The following PUS7L variants were observed in gnomAD, a reference collection of about 807,000 sequenced individuals.
PUS7L encodes pseudouridylate synthase PUS7L.
In PUS7L, 49 loss-of-function variants were observed where a neutral mutation model predicts 51.1. The observed-to-expected ratio is 0.96, with a 90% CI of 0.76 to 1.22. PUS7L has a LOEUF of 1.22. Ranked by LOEUF, PUS7L falls within the 50% of genes most tolerant of loss-of-function variation. PUS7L has a pLI of 0.00. For missense variants in PUS7L, 828 were observed against 820.6 expected, an observed-to-expected ratio of 1.01 and a Z score of -0.11; for synonymous variants, 277 against 276.2, an observed-to-expected ratio of 1.00 and a Z score of -0.03.
intron 4 of PUS7L, among the ~76,000 whole-genome samples, chr12:43,745,522 T>C (rs1938120826): frequency 6.6e-6 from 1 of 152,202 alleles, no homozygotes; most frequent in African/African-American, 2.4e-5. Context: ...AAGAAGGATA[T>C]GTTTGTTTCC....
intron 8 of PUS7L, among the ~76,000 whole-genome samples, 166 bp downstream of exon 8, chr12:43,731,539 C>G (rs969722123): frequency 1.3e-5 from 2 of 152,024 alleles, no homozygotes; most frequent in African/African-American, 4.8e-5. Context: ...ATATGTTTAT[C>G]AAAGTCTATA....
intron 1 of PUS7L, among the ~76,000 whole-genome samples, chr12:43,755,919 G>T (rs747803579): frequency 6.6e-6 from 1 of 152,192 alleles, no homozygotes; most frequent in Non-Finnish European, 1.5e-5. Context: ...AACCCTTACA[G>T]AGCTTCCTGG....
Position 43,742,569 on chromosome 12 carries a change from A to C in PUS7L, c.1264-14T>G, listed in dbSNP as rs1565636391. ...AAAGCCTTTTTTCTATGTATACAAA[A>C]TAATCAACAAATTAAGAGTATATAA... On this transcript the variant is annotated splice_polypyrimidine_tract_variant and intron_variant, in intron 4 of 8. Coordinates refer to ENST00000344862, the MANE Select transcript of PUS7L (RefSeq NM_031292.5). The C allele has an allele frequency of 1.3e-6, 2 of 1,564,734 alleles. No individual in the cohort carries two copies. The highest frequency in any genetic ancestry group is 2.8e-5 in the African/African-American group (2 of 72,386).
Position 43,754,358 on chromosome 12 carries a change from T to C in PUS7L, c.888A>G (p.Gln296=), listed in dbSNP as rs1565645838. Residue 296 remains glutamine (Q), a synonymous_variant, in exon 2 of 9, where the codon CAA becomes CAG. Coordinates refer to ENST00000344862, the MANE Select transcript of PUS7L (RefSeq NM_031292.5). ...TACCTGTATATATAACTTTTCCTTC[T>C]TGGCATTCAGAAAGAGGCCTTTTCC... ...KRGKRPLSEC[Q]EGKVIYTAFT... is the part of the protein sequence containing the mutation. 6.3e-7 allele frequency: 1 copy of C among 1,597,008 alleles called. No individual in the cohort carries two copies. Among genetic ancestry groups the C allele is most frequent in the East Asian group, 2.2e-5 (1 of 44,744 alleles).
chr12:43,720,253 G>A lies in PUS7L; in HGVS notation c.*10123C>T, dbSNP rs775230320. On this transcript the variant is annotated 3_prime_UTR_variant, in exon 9 of 9. Transcript: ENST00000344862. ...AATCCCAGCATTTTGGGAGGCTGAG[G>A]CTGGCAGATCATTTGAGGTCAGGAG... 14 of 152,164 alleles carry A rather than the reference G, an allele frequency of 9.2e-5. No individual in the cohort carries two copies. Among genetic ancestry groups the A allele is most frequent in the Non-Finnish European group, 2.1e-4 (14 of 68,034 alleles). 9.4% of individuals were successfully genotyped at this position (152,164 alleles called of 1,614,324 possible). A position where few individuals can be genotyped will look rare whatever the true frequency, so the allele number is the denominator to read the frequency against.
chr12:43,734,197 A>T (rs568611344), intron 7 of PUS7L, among the ~76,000 whole-genome samples: 1 of 152,244 alleles, frequency 6.6e-6, no homozygotes, highest in Admixed American at 6.5e-5. Context: ...AGCCACTGAG[A>T]CTCAATTACA....
rs1303246943 is a variant in PUS7L at position 43,719,825 on chromosome 12, G to C, written c.*10551C>G. On this transcript the variant is annotated 3_prime_UTR_variant, in exon 9 of 9. Coordinates refer to ENST00000344862, the MANE Select transcript of PUS7L (RefSeq NM_031292.5). ...GATTTCCTTTCCAATTATGATATTG[G>C]TTAGTTGTAACTGCATTATTTCCAT... The C allele has an allele frequency of 6.6e-6, 1 of 151,672 alleles. No homozygotes were observed. The highest frequency in any genetic ancestry group is 1.5e-5 in the Non-Finnish European group (1 of 67,930). The allele number at this position is 151,672 out of a possible 1,614,324, so 9.4% of individuals were successfully genotyped here. A position where few individuals can be genotyped will look rare whatever the true frequency, so the allele number is the denominator to read the frequency against.
In PUS7L at chr12:43,736,566, C is replaced by T. The variant is rs138341958; in HGVS notation, c.1540G>A (p.Gly514Ser). ...ALHRFGMTEE[G>S]CIQAWFSLPH... ...AAAGAGAACCATGCCTGGATACAAC[C>T]TTCCTCGGTCATGCCAAAGCGGTGC... Residue 514 changes from glycine to serine, a missense_variant, in exon 7 of 9, where the codon GGT (glycine) becomes AGT (serine). Coordinates refer to ENST00000344862, the MANE Select transcript of PUS7L (RefSeq NM_031292.5). 117 of 1,614,210 alleles carry T rather than the reference C, an allele frequency of 7.2e-5. No homozygotes were observed. The African/African-American group carries it at 1.4e-3, about 19-fold the overall frequency.
At chr12:43,756,259 C>T (rs1938694462) in intron 1 of PUS7L, among the ~76,000 whole-genome samples, 1 of 152,178 alleles carries the variant, frequency 6.6e-6, no homozygotes, top group South Asian at 2.1e-4. Flanking sequence ...ACTTAATTTC[C>T]TGTACAGTTC....
At chr12:43,757,861 G>C (rs1938882513) in intron 1 of PUS7L, among the ~76,000 whole-genome samples, 1 of 152,190 alleles carries the variant, frequency 6.6e-6, no homozygotes, top group African/African-American at 2.4e-5. Flanking sequence ...AAGCAGTCCA[G>C]ATACAGAGCA....
At chr12:43,742,938 G>A (rs148756341) in intron 4 of PUS7L, among the ~76,000 whole-genome samples, 5 of 152,170 alleles carry the variant, frequency 3.3e-5, no homozygotes, top group East Asian at 1.9e-4. Context: ...GAGACTCTTC[G>A]GCTGTCTGGA....
intron 4 of PUS7L, among the ~76,000 whole-genome samples, chr12:43,743,304 G>C (rs1937995530): frequency 6.6e-6 from 1 of 152,182 alleles, no homozygotes; most frequent in Non-Finnish European, 1.5e-5. Context: ...ACAGTTTCTT[G>C]AAAGACAAGA....
chr12:43,746,514 T>C (rs1938179375), intron 3 of PUS7L, among the ~76,000 whole-genome samples: 1 of 152,160 alleles, frequency 6.6e-6, no homozygotes, highest in African/African-American at 2.4e-5. Context: ...TTAGCTCGAG[T>C]GACAGAAGCT....
chr12:43,719,752 T>C lies in PUS7L; in HGVS notation c.*10624A>G, dbSNP rs1253582908. The C allele has an allele frequency of 2.0e-5, 3 of 152,160 alleles. No homozygotes were observed. The highest frequency in any genetic ancestry group is 4.4e-5 in the Non-Finnish European group (3 of 68,020). 9.4% of individuals were successfully genotyped at this position (152,160 alleles called of 1,614,324 possible). A position where few individuals can be genotyped will look rare whatever the true frequency, so the allele number is the denominator to read the frequency against. On this transcript the variant is annotated 3_prime_UTR_variant, in exon 9 of 9. Transcript: ENST00000344862. ...AACTTTCAATAATATTGGCAGAAAA[T>C]TGTTCATAATATTCTATTATCTTTT...
rs141430765 is a variant in PUS7L, at chr12:43,748,934, G to A, written c.911-325C>T. ...GGATGGGGTTTCACCACTTTGGCCAGGATGGTCTCGATCTCTTGGCCTCGT... is the reference window on the plus strand; with the variant it reads ...GGATGGGGTTTCACCACTTTGGCCAAGATGGTCTCGATCTCTTGGCCTCGT... On this transcript the variant is annotated intron_variant, in intron 2 of 8. Coordinates refer to ENST00000344862, the MANE Select transcript of PUS7L (RefSeq NM_031292.5). 1.3e-3 allele frequency among the ~76,000 whole-genome samples: 205 copies of A among 152,262 alleles called. 4 individuals are homozygous for A. In the East Asian group the frequency reaches 0.036, roughly 27 times the overall value.
intron 2 of PUS7L, among the ~76,000 whole-genome samples, chr12:43,751,767 T>C (rs1284288779): frequency 6.6e-6 from 1 of 152,156 alleles, no homozygotes; most frequent in Non-Finnish European, 1.5e-5. Context: ...CCTGAGGAAT[T>C]GCCACACTGT....
In PUS7L at chr12:43,720,486, AAAT is replaced by A. The variant is rs1862106728; in HGVS notation, c.*9887_*9889del. The A allele has an allele frequency of 6.6e-6, 1 of 152,214 alleles. No individual in the cohort carries two copies. Among genetic ancestry groups the A allele is most frequent in the Admixed American group, 6.5e-5 (1 of 15,280 alleles). The allele number at this position is 152,214 out of a possible 1,614,324, so 9.4% of individuals were successfully genotyped here. A position where few individuals can be genotyped will look rare whatever the true frequency, so the allele number is the denominator to read the frequency against. On this transcript the variant is annotated 3_prime_UTR_variant, in exon 9 of 9. Transcript: ENST00000344862. Reference sequence around the variant, plus strand: ...GTGAGACTCCATCACAAAAAACAAAAAATAAATAAGTGCATCTCTTAATTTCTG... The same window carrying A: ...GTGAGACTCCATCACAAAAAACAAAAAAATAAGTGCATCTCTTAATTTCTG...
Position 43,720,480 on chromosome 12 carries a change from A to C in PUS7L, c.*9896T>G, listed in dbSNP as rs966431565. The C allele has an allele frequency of 6.6e-6, 1 of 152,226 alleles. No homozygotes were observed. Among genetic ancestry groups the C allele is most frequent in the African/African-American group, 2.4e-5 (1 of 41,460 alleles). 9.4% of individuals were successfully genotyped at this position (152,226 alleles called of 1,614,324 possible). On this transcript the variant is annotated 3_prime_UTR_variant, in exon 9 of 9. Transcript: ENST00000344862. ...GATAGAGTGAGACTCCATCACAAAA[A>C]ACAAAAAATAAATAAGTGCATCTCT...
rs75948535 is a variant in PUS7L at position 43,733,121 on chromosome 12, T to C, written c.1726-1363A>G. On this transcript the variant is annotated intron_variant, in intron 7 of 8. Coordinates refer to ENST00000344862, the MANE Select transcript of PUS7L (RefSeq NM_031292.5). Reference sequence around the variant, plus strand: ...TCCTTGTATGGCTGCTCCCCAACTATAAATTCACCTAAGTTTTTAATTGTC... The same window carrying C: ...TCCTTGTATGGCTGCTCCCCAACTACAAATTCACCTAAGTTTTTAATTGTC... Among the ~76,000 whole-genome samples the C allele has an allele frequency of 8.6e-3, 1,306 of 152,210 alleles. 17 individuals carry two copies. The highest frequency in any genetic ancestry group is 0.029 in the African/African-American group (1,185 of 41,530).
Sources: allele counts gnomAD v4.1 joint callset (sites outside exome capture counted in the v4.1 genomes callset), GRCh38; gene constraint gnomAD v4.1.1; transcripts MANE v1.5; gene names NCBI Gene and HGNC (gene_info 2026-07-23, HGNC 2026-07-21).